The following PTPRT variants were observed in gnomAD, a reference collection of about 807,000 sequenced individuals.
PTPRT encodes the protein protein tyrosine phosphatase receptor type T, also known as receptor-type tyrosine-protein phosphatase T.
PTPRT carries 56 observed loss-of-function variants against 176.8 expected under a neutral mutation model. That is an observed-to-expected ratio of 0.32 (90% CI 0.26 to 0.40). PTPRT has a LOEUF of 0.40. Among genes scored for constraint, PTPRT ranks in the 10% least tolerant of loss-of-function variants. PTPRT has a pLI of 1.00. For synonymous variants in PTPRT, 783 were observed against 739.0 expected (o/e 1.06, Z -0.96); for missense variants, 1,540 against 1,908.2 (o/e 0.81, Z 3.60).
At chr20:42,190,108 C>T (rs1219681669) in intron 16 of PTPRT, among the ~76,000 whole-genome samples, 1 of 150,528 alleles carries the variant, frequency 6.6e-6, no homozygotes, top group African/African-American at 2.5e-5. Context: ...TTCAATAAAA[C>T]TGGAGGGGGC....
intron 1 of PTPRT, among the ~76,000 whole-genome samples, chr20:43,078,618 C>T (rs1456576777): frequency 1.3e-5 from 2 of 152,094 alleles, no homozygotes; most frequent in Non-Finnish European, 2.9e-5. Flanking sequence ...CAACAAATGC[C>T]ATAGGGAAAG....
chr20:42,843,827 T>G (rs2078322058), intron 2 of PTPRT, among the ~76,000 whole-genome samples: 1 of 152,248 alleles, frequency 6.6e-6, no homozygotes, highest in African/African-American at 2.4e-5. Context: ...TCATGTCATC[T>G]CTTTACAGTG....
chr20:42,238,803 G>A (rs2056295464), intron 14 of PTPRT, among the ~76,000 whole-genome samples: 1 of 152,090 alleles, frequency 6.6e-6, no homozygotes, highest in Non-Finnish European at 1.5e-5. Flanking sequence ...TTCAGGAGTG[G>A]AAATACAATA....
chr20:42,659,605 T>C (rs745336357), intron 7 of PTPRT, among the ~76,000 whole-genome samples: 3 of 152,162 alleles, frequency 2.0e-5, no homozygotes, highest in Non-Finnish European at 4.4e-5. Flanking sequence ...TGCCATGGCT[T>C]TGGTCAAATG....
At chr20:42,744,185 T>A (rs1462894671) in intron 6 of PTPRT, among the ~76,000 whole-genome samples, 2 of 152,220 alleles carry the variant, frequency 1.3e-5, no homozygotes, top group Non-Finnish European at 2.9e-5. Flanking sequence ...CCCTTCAGGA[T>A]CAGACTTCCA....
At chr20:42,059,379 T>C in the PTPRT span, among the ~76,000 whole-genome samples, 1 of 152,166 alleles carries the variant, frequency 6.6e-6, no homozygotes, top group Admixed American at 6.5e-5. Context: ...CCTCTTTGCA[T>C]GCAGACTGAG....
chr20:42,233,543 A>C (rs1255532090), intron 15 of PTPRT, among the ~76,000 whole-genome samples: 1 of 152,036 alleles, frequency 6.6e-6, no homozygotes, highest in Admixed American at 6.6e-5. Flanking sequence ...GTGGTTTCCT[A>C]TTCTCCCCTC....
rs1269097800 is a variant in PTPRT, at chr20:42,618,889, T to C, written c.1153+58977A>G. ...AGCACACTGATGGGTCTTGACTCTT[T>C]ATCCAACTTGCCAGTCTGTGTCTTT... On this transcript the variant is annotated intron_variant, in intron 7 of 30. Transcript: ENST00000373187. Among the ~76,000 whole-genome samples the C allele has an allele frequency of 1.7e-3, 259 of 148,494 alleles. 3 individuals carry two copies. The highest frequency in any genetic ancestry group is 0.011 in the East Asian group (55 of 5,090).
At chr20:42,229,403 G>T (rs1164801820) in intron 15 of PTPRT, among the ~76,000 whole-genome samples, 1 of 152,162 alleles carries the variant, frequency 6.6e-6, no homozygotes, top group Non-Finnish European at 1.5e-5. Context: ...ACTAGTAATT[G>T]ATATTTAGCA....
chr20:42,460,416 T>A (rs766282649), intron 8 of PTPRT, among the ~76,000 whole-genome samples: 1 of 152,170 alleles, frequency 6.6e-6, no homozygotes, highest in Non-Finnish European at 1.5e-5. Flanking sequence ...GAGTAGCTGC[T>A]ACAGACCCTC....
intron 6 of PTPRT, among the ~76,000 whole-genome samples, chr20:42,744,545 GT>G (rs542419389): frequency 1.7e-3 from 256 of 152,298 alleles, no homozygotes; most frequent in African/African-American, 5.9e-3. Flanking sequence ...GCCTGTGGGG[GT>G]TTCTAATGGC....
intron 24 of PTPRT, among the ~76,000 whole-genome samples, chr20:42,105,270 TCCTTCCCTGCTCTG>T (rs1986334001): frequency 6.6e-6 from 1 of 152,184 alleles, no homozygotes; most frequent in Non-Finnish European, 1.5e-5. Context: ...TTTGTTTGTT[TCCTTCCCTGCTCTG>T]CCTCACTTTC....
chr20:42,499,294 T>C (rs1237940962), intron 7 of PTPRT, among the ~76,000 whole-genome samples: 2 of 142,024 alleles, frequency 1.4e-5, no homozygotes, highest in African/African-American at 5.5e-5. Flanking sequence ...TTGATAAACT[T>C]TTTTTTTTTT....
chr20:43,038,116 C>T (rs1986459041), intron 1 of PTPRT, among the ~76,000 whole-genome samples: 4 of 151,248 alleles, frequency 2.6e-5, no homozygotes, highest in Admixed American at 2.0e-4. Flanking sequence ...TAAATATTAA[C>T]ATGTTTGATT....
In PTPRT at chr20:43,179,458, T is replaced by C. The variant is rs560859662; in HGVS notation, c.88+10188A>G. On this transcript the variant is annotated intron_variant, in intron 1 of 30. Transcript: ENST00000373187. ...AATATTAAGTTTCAGCTAAATTATA[T>C]CATAGCCCTAATCTATTGGTGTTTT... 2.0e-4 allele frequency among the ~76,000 whole-genome samples: 31 copies of C among 152,358 alleles called. No homozygotes were observed. In the South Asian group the frequency reaches 6.4e-3, roughly 32 times the overall value.
At chr20:42,827,299 T>G (rs117535872) in intron 2 of PTPRT, among the ~76,000 whole-genome samples, 2,023 of 152,180 alleles carry the variant, frequency 0.013, 23 homozygotes, top group Non-Finnish European at 0.023. Flanking sequence ...GAACACAATA[T>G]GACATAAAAC....
chr20:42,191,837 C>T (rs1368743475), intron 16 of PTPRT, among the ~76,000 whole-genome samples: 1 of 152,152 alleles, frequency 6.6e-6, no homozygotes, highest in East Asian at 1.9e-4. Context: ...AAAGATGGAA[C>T]CAGGTCTGGG....
chr20:42,767,977 TACAC>T (rs35599788), intron 5 of PTPRT, among the ~76,000 whole-genome samples: 8,712 of 125,126 alleles, frequency 0.07, 297 homozygotes, highest in Non-Finnish European at 0.077. Context: ...TATAAAATTA[TACAC>T]ACACACACAC....
intron 1 of PTPRT, among the ~76,000 whole-genome samples, chr20:43,099,362 C>A (rs1007834260): frequency 2.0e-5 from 3 of 151,990 alleles, no homozygotes; most frequent in African/African-American, 7.3e-5. Context: ...GAAGCATGGA[C>A]CAGAGTAAGG....
Sources: allele counts gnomAD v4.1 joint callset (sites outside exome capture counted in the v4.1 genomes callset), GRCh38; gene constraint gnomAD v4.1.1; transcripts MANE v1.5; gene names NCBI Gene and HGNC (gene_info 2026-07-23, HGNC 2026-07-21).